The following MLLT3 variants were observed in gnomAD, a reference collection of about 807,000 sequenced individuals.
MLLT3 encodes the protein protein AF-9.
MLLT3 carries 4 observed loss-of-function variants against 53.2 expected under a neutral mutation model. The observed-to-expected ratio is 0.08, with a 90% confidence interval of 0.04 to 0.17. The LOEUF (loss-of-function observed/expected upper bound fraction) is 0.17, where lower values mean the gene tolerates loss of function less well. Among genes scored for constraint, MLLT3 ranks in the 10% least tolerant of loss-of-function variants. MLLT3 has a pLI of 1.00. For missense variants in MLLT3, 569 were observed against 684.0 expected, an observed-to-expected ratio of 0.83 and a Z score of 1.87; for synonymous variants, 283 against 230.6, an observed-to-expected ratio of 1.23 and a Z score of -2.06.
chr9:20,592,364 C>G (rs1463764948), intron 2 of MLLT3, among the ~76,000 whole-genome samples: 1 of 152,208 alleles, frequency 6.6e-6, no homozygotes, highest in Non-Finnish European at 1.5e-5. Context: ...TCTGGAGGCT[C>G]TAAGTCCAAG....
rs987762732 is a variant in MLLT3 at position 20,602,151 on chromosome 9, G to A, written c.193+18503C>T. Among the ~76,000 whole-genome samples the A allele has an allele frequency of 5.3e-5, 8 of 152,176 alleles. No individual in the cohort carries two copies. The South Asian group carries it at 8.3e-4, about 16-fold the overall frequency. On this transcript the variant is annotated intron_variant, in intron 2 of 10. Coordinates refer to ENST00000380338, the MANE Select transcript of MLLT3 (RefSeq NM_004529.4). ...CAAGTATTTTAAATTATTTTTTAGC[G>A]ATATGAATCAATGAGAACTTCTTCC...
At chr9:20,522,288 A>C (rs1354467559) in intron 2 of MLLT3, among the ~76,000 whole-genome samples, 1 of 151,332 alleles carries the variant, frequency 6.6e-6, no homozygotes, top group East Asian at 1.9e-4. Flanking sequence ...AGTGACCAAA[A>C]AAAAAAAAAA....
intron 4 of MLLT3, chr9:20,418,350 A>G (rs551072226): frequency 1.3e-5 from 2 of 152,350 alleles, no homozygotes; most frequent in East Asian, 3.9e-4. Flanking sequence ...ATCATAGCCA[A>G]TGAGGTTTAT....
chr9:20,405,284 G>A (rs1336441723), intron 5 of MLLT3, among the ~76,000 whole-genome samples: 1 of 152,142 alleles, frequency 6.6e-6, no homozygotes, highest in Non-Finnish European at 1.5e-5. Context: ...TCACACCCAA[G>A]TTTCCAAGTA....
At chr9:20,447,467 A>G (rs1823733593) in intron 4 of MLLT3, among the ~76,000 whole-genome samples, 1 of 152,316 alleles carries the variant, frequency 6.6e-6, no homozygotes, top group Non-Finnish European at 1.5e-5. Flanking sequence ...TGACCAATCA[A>G]TAGTGTTTGT....
rs1820764176 is a variant in MLLT3 at position 20,342,665 on chromosome 9, G to A, written c.*3778C>T. ...GATGGCAGTGCCTACATAATAAAAA[G>A]CATCATATAAAACAAAAGAGGTCAA... On this transcript the variant is annotated 3_prime_UTR_variant, in exon 11 of 11. Coordinates refer to ENST00000380338, the MANE Select transcript of MLLT3 (RefSeq NM_004529.4). 2 of 213,778 alleles carry A rather than the reference G, an allele frequency of 9.4e-6. No homozygotes were observed. The highest frequency in any genetic ancestry group is 1.9e-5 in the Non-Finnish European group (2 of 106,118). The allele number at this position is 213,778 out of a possible 1,614,324, so 13.2% of individuals were successfully genotyped here.
intron 5 of MLLT3, among the ~76,000 whole-genome samples, chr9:20,401,280 AAT>A (rs1822448342): frequency 6.6e-6 from 1 of 152,148 alleles, no homozygotes. Context: ...TTTTTGAAAA[AAT>A]ATGTTAATAA....
At chr9:20,487,441 G>T (rs190978573) in intron 2 of MLLT3, among the ~76,000 whole-genome samples, 1 of 151,864 alleles carries the variant, frequency 6.6e-6, no homozygotes, top group Non-Finnish European at 1.5e-5. Flanking sequence ...ACCTGCCTCT[G>T]GAGAAGCTTA....
intron 5 of MLLT3, among the ~76,000 whole-genome samples, chr9:20,409,115 T>C (rs1822660341): frequency 6.6e-6 from 1 of 152,202 alleles, no homozygotes; most frequent in South Asian, 2.1e-4. Flanking sequence ...CCAAATGTAA[T>C]TTGTCCATTT....
chr9:20,510,803 T>C (rs1825516242), intron 2 of MLLT3, among the ~76,000 whole-genome samples: 3 of 152,202 alleles, frequency 2.0e-5, no homozygotes, highest in South Asian at 2.1e-4. Flanking sequence ...ATACATCCTT[T>C]AGTCTAGGAA....
chr9:20,577,647 T>C (rs909371418), intron 2 of MLLT3, among the ~76,000 whole-genome samples: 3 of 152,114 alleles, frequency 2.0e-5, no homozygotes, highest in Non-Finnish European at 2.9e-5. Context: ...TACTGCACAA[T>C]AGAAGACAGA....
intron 2 of MLLT3, among the ~76,000 whole-genome samples, chr9:20,618,936 AATAAATGTTGCT>A (rs1820911161): frequency 1.3e-5 from 2 of 152,226 alleles, no homozygotes; most frequent in Admixed American, 1.3e-4. Flanking sequence ...TAATTTTCCT[AATAAATGTTGCT>A]TTTTAAAAGC....
At chr9:20,599,194 C>T (rs1820352568) in intron 2 of MLLT3, among the ~76,000 whole-genome samples, 1 of 151,808 alleles carries the variant, frequency 6.6e-6, no homozygotes, top group African/African-American at 2.4e-5. Flanking sequence ...GTCCCAGCTA[C>T]TCAGGAAGCT....
At chr9:20,376,493 A>C (rs1821768801) in intron 5 of MLLT3, among the ~76,000 whole-genome samples, 1 of 152,214 alleles carries the variant, frequency 6.6e-6, no homozygotes, top group Non-Finnish European at 1.5e-5. Flanking sequence ...GCTTGCATTG[A>C]GGTGCCTGTT....
Position 20,341,935 on chromosome 9 carries a change from T to C in MLLT3, c.*4508A>G, listed in dbSNP as rs1263867048. 1 of 201,180 alleles carries C rather than the reference T, an allele frequency of 5.0e-6. No homozygotes were observed. The highest frequency in any genetic ancestry group is 2.3e-5 in the African/African-American group (1 of 43,498). 12.5% of individuals were successfully genotyped at this position (201,180 alleles called of 1,614,324 possible). On this transcript the variant is annotated 3_prime_UTR_variant, in exon 11 of 11. Transcript: ENST00000380338. Reference sequence around the variant, plus strand: ...CAATCTTTGCAGAGTTTTAAAAATATTATATATATACTGGCTTTAGGACAC... The same window carrying C: ...CAATCTTTGCAGAGTTTTAAAAATACTATATATATACTGGCTTTAGGACAC...
intron 2 of MLLT3, among the ~76,000 whole-genome samples, chr9:20,566,762 T>A (rs537858925): frequency 9.9e-4 from 151 of 152,192 alleles, no homozygotes; most frequent in Admixed American, 4.2e-3. Flanking sequence ...TCCTTACATA[T>A]GCTTGTGCCC....
intron 2 of MLLT3, among the ~76,000 whole-genome samples, chr9:20,584,197 G>A (rs1819886404): frequency 6.6e-6 from 1 of 152,138 alleles, no homozygotes; most frequent in African/African-American, 2.4e-5. Flanking sequence ...AGTCACCTTT[G>A]CTCCTGTTCC....
chr9:20,564,348 A>C (rs1819293761), intron 2 of MLLT3, among the ~76,000 whole-genome samples: 1 of 152,152 alleles, frequency 6.6e-6, no homozygotes, highest in African/African-American at 2.4e-5. Context: ...CTTAGAAAAG[A>C]GATGGCTCTT....
intron 5 of MLLT3, 149 bp from the exon 6 acceptor site, chr9:20,365,893 G>T: frequency 1.4e-6 from 1 of 723,106 alleles, no homozygotes; most frequent in Non-Finnish European, 2.3e-6. Flanking sequence ...GAGTCATGTT[G>T]TCTTTTGTTG....
Sources: allele counts gnomAD v4.1 joint callset (sites outside exome capture counted in the v4.1 genomes callset), GRCh38; gene constraint gnomAD v4.1.1; transcripts MANE v1.5; gene names NCBI Gene and HGNC (gene_info 2026-07-23, HGNC 2026-07-21).